The following ATP6V1C2 variants were observed in gnomAD, a reference collection of about 807,000 sequenced individuals.
ATP6V1C2 encodes the protein V-type proton ATPase subunit C 2.
In ATP6V1C2, 45 loss-of-function variants were observed where a neutral mutation model predicts 56.8. The ratio of observed to expected loss-of-function variants is 0.79; its 90% CI spans 0.62 to 1.02. The LOEUF is 1.02. Among genes scored for constraint, ATP6V1C2 ranks in the 50% least tolerant of loss-of-function variants. The pLI, the probability that ATP6V1C2 is intolerant of heterozygous loss-of-function variation, is 0.00. For synonymous variants in ATP6V1C2, 220 were observed against 201.3 expected (o/e 1.09, Z -0.79); for missense variants, 463 against 519.7 (o/e 0.89, Z 1.06).
At position 10,776,053 on chromosome 2, in the gene ATP6V1C2, GCCTGTCTGT is replaced by G. The variant is rs951200229; in HGVS notation, c.825+984_825+992del. On this transcript the variant is annotated intron_variant, in intron 10 of 13. Transcript: ENST00000272238. ...TGTGCTCCGGGCTCCTGGGGACCTG[GCCTGTCTGT>G]CAGCGACCTTTTTGCAGGGACTGGG... 5.3e-5 allele frequency among the ~76,000 whole-genome samples: 8 copies of G among 152,200 alleles called. No individual in the cohort carries two copies. In the East Asian group the frequency reaches 9.7e-4, roughly 18 times the overall value.
chr2:10,741,996 G>A (rs534089672), intron 3 of ATP6V1C2, among the ~76,000 whole-genome samples: 3 of 151,688 alleles, frequency 2.0e-5, no homozygotes, highest in Non-Finnish European at 2.9e-5. Flanking sequence ...CTGCAATCTC[G>A]CTTCCCGGGC....
intron 8 of ATP6V1C2, 69 bp from the exon 9 acceptor site, chr2:10,774,719 G>A (rs1664845595): frequency 1.1e-5 from 15 of 1,404,846 alleles, no homozygotes; most frequent in Non-Finnish European, 1.5e-5. Flanking sequence ...CCAGGCCCGG[G>A]GCCTCTGAGC....
At chr2:10,783,043 G>A in intron 13 of ATP6V1C2, 131 bp from the exon 14 acceptor site, 1 of 641,746 alleles carries the variant, frequency 1.6e-6, no homozygotes, top group Non-Finnish European at 2.9e-6. Context: ...CAAGGAGAGG[G>A]TTGGAGGGGT....
At chr2:10,726,857 C>T (rs530716709) in intron 3 of ATP6V1C2, among the ~76,000 whole-genome samples, 1 of 152,276 alleles carries the variant, frequency 6.6e-6, no homozygotes, top group East Asian at 1.9e-4. Context: ...TGTAGTTTCC[C>T]ACCAAGCCTT....
intron 6 of ATP6V1C2, 21 bp from the exon 7 acceptor site, chr2:10,771,818 T>G: frequency 1.9e-6 from 3 of 1,595,776 alleles, no homozygotes; most frequent in Non-Finnish European, 2.6e-6. Context: ...TTTCACACCC[T>G]TTGTTCCACC....
At chr2:10,749,982 G>A (rs1663120757) in intron 3 of ATP6V1C2, among the ~76,000 whole-genome samples, 2 of 152,220 alleles carry the variant, frequency 1.3e-5, no homozygotes, top group African/African-American at 2.4e-5. Flanking sequence ...ACTGTGGAGT[G>A]AAAAAAGTAC....
intron 3 of ATP6V1C2, among the ~76,000 whole-genome samples, chr2:10,729,810 G>C (rs1359954124): frequency 6.6e-6 from 1 of 152,174 alleles, no homozygotes; most frequent in Non-Finnish European, 1.5e-5. Context: ...AGCTGTGATC[G>C]TGCCACTGCC....
intron 3 of ATP6V1C2, among the ~76,000 whole-genome samples, chr2:10,749,187 A>C (rs572741763): frequency 6.6e-6 from 1 of 151,560 alleles, no homozygotes; most frequent in African/African-American, 2.4e-5. Flanking sequence ...AATTATATAT[A>C]TCAACAAATA....
intron 12 of ATP6V1C2, 57 bp downstream of exon 12, chr2:10,778,726 G>T: frequency 1.3e-6 from 2 of 1,549,078 alleles, no homozygotes; most frequent in Non-Finnish European, 1.8e-6. Context: ...GGGTCTGGGG[G>T]AGCTATCGGG....
intron 4 of ATP6V1C2, among the ~76,000 whole-genome samples, chr2:10,754,506 G>A (rs1301050565): frequency 6.6e-6 from 1 of 151,974 alleles, no homozygotes; most frequent in African/African-American, 2.4e-5. Context: ...GATTACAGGC[G>A]TGAGCTACCA....
chr2:10,732,251 C>G (rs1661993767), intron 3 of ATP6V1C2, among the ~76,000 whole-genome samples: 1 of 151,878 alleles, frequency 6.6e-6, no homozygotes, highest in East Asian at 1.9e-4. Flanking sequence ...CTCTCTTTCT[C>G]TCACTCTTTC....
At position 10,772,568 on chromosome 2, in the gene ATP6V1C2, C is replaced by A. The variant is rs1014823172; in HGVS notation, c.596C>A (p.Thr199Asn). 4.3e-6 allele frequency: 7 copies of A among 1,614,014 alleles called. No homozygotes were observed. The highest frequency in any genetic ancestry group is 5.9e-6 in the Non-Finnish European group (7 of 1,179,998). ...PKPNYSQWQKTYESLSDMVVP... is the reference protein window; with the variant it reads ...PKPNYSQWQKNYESLSDMVVP... ...CCAAACTACTCACAATGGCAAAAAA[C>A]CTACGAATCTCTCTCAGACATGGTG... Residue 199 changes from threonine to asparagine, a missense_variant, in exon 8 of 14, where the codon ACC becomes AAC. Physicochemically the swap from Thr to Asn is moderately conservative, Grantham distance 65. Transcript: ENST00000272238.
chr2:10,772,430 T>C (rs1572602890), intron 7 of ATP6V1C2, 112 bp from the exon 8 acceptor site: 1 of 906,502 alleles, frequency 1.1e-6, no homozygotes, highest in East Asian at 2.4e-5. Flanking sequence ...TCTGACCCCA[T>C]CCCTGCTCAC....
chr2:10,776,454 A>G (rs1414772836), intron 10 of ATP6V1C2, among the ~76,000 whole-genome samples: 1 of 152,274 alleles, frequency 6.6e-6, no homozygotes, highest in South Asian at 2.1e-4. Flanking sequence ...TGGATGCTCC[A>G]GTCTTCAGAG....
intron 5 of ATP6V1C2, among the ~76,000 whole-genome samples, chr2:10,764,693 C>T (rs1327601493): frequency 5.9e-5 from 9 of 152,178 alleles, no homozygotes; most frequent in East Asian, 1.9e-4. Flanking sequence ...TGATGGTGGC[C>T]GGGCACGGTG....
intron 3 of ATP6V1C2, among the ~76,000 whole-genome samples, chr2:10,727,179 C>T (rs1401559976): frequency 1.3e-5 from 2 of 151,860 alleles, no homozygotes; most frequent in Non-Finnish European, 2.9e-5. Flanking sequence ...AAGTGATTCT[C>T]CTGCCTCAGC....
At chr2:10,777,549 T>G in intron 10 of ATP6V1C2, 36 bp from the exon 11 acceptor site, 2 of 1,598,498 alleles carry the variant, frequency 1.3e-6, no homozygotes, top group Non-Finnish European at 1.7e-6. Context: ...GATGCATGTT[T>G]GCTGAAAGAT....
intron 3 of ATP6V1C2, among the ~76,000 whole-genome samples, chr2:10,728,239 G>A (rs538665473): frequency 6.6e-6 from 1 of 152,114 alleles, no homozygotes; most frequent in East Asian, 1.9e-4. Context: ...ATGCCATCAT[G>A]CCCAGCTAAT....
chr2:10,779,034 G>GA (rs1234180885), intron 12 of ATP6V1C2, among the ~76,000 whole-genome samples: 1 of 152,058 alleles, frequency 6.6e-6, no homozygotes, highest in African/African-American at 2.4e-5. Flanking sequence ...CCTCAGCCTG[G>GA]AAGCCGCACC....
Sources: allele counts gnomAD v4.1 joint callset (sites outside exome capture counted in the v4.1 genomes callset), GRCh38; gene constraint gnomAD v4.1.1; transcripts MANE v1.5; gene names NCBI Gene and HGNC (gene_info 2026-07-23, HGNC 2026-07-21).